Variants in DOK5 observed in about 807,000 individuals in gnomAD.
The protein encoded by DOK5 is downstream of tyrosine kinase 5.
In DOK5, 27 loss-of-function variants were observed where a neutral mutation model predicts 43.3. That is an observed-to-expected ratio of 0.62 (90% CI 0.46 to 0.86). DOK5 has a LOEUF of 0.86. Ranked by LOEUF, DOK5 falls within the 40% of genes least tolerant of loss-of-function variation. The probability of loss-of-function intolerance (pLI) is 0.00; values close to 1 mark genes in which losing one functional copy is unlikely to be tolerated. For synonymous variants in DOK5, 146 were observed against 140.1 expected (o/e 1.04, Z -0.30); for missense variants, 373 against 392.9 (o/e 0.95, Z 0.43).
intron 2 of DOK5, among the ~76,000 whole-genome samples, chr20:54,570,260 G>T (rs756755436): frequency 1.3e-5 from 2 of 152,224 alleles, no homozygotes; most frequent in African/African-American, 2.4e-5. Context: ...ATTTAATTGG[G>T]TTATTTACTA....
chr20:54,636,984 G>C (rs1457444421), intron 6 of DOK5, among the ~76,000 whole-genome samples: 1 of 152,162 alleles, frequency 6.6e-6, no homozygotes, highest in Non-Finnish European at 1.5e-5. Context: ...ATTGTTTTCA[G>C]AATCATACAT....
intron 7 of DOK5, among the ~76,000 whole-genome samples, chr20:54,644,225 T>C (rs1220081442): frequency 1.3e-5 from 2 of 152,196 alleles, no homozygotes; most frequent in Non-Finnish European, 2.9e-5. Context: ...AAGTGGTCTC[T>C]GAAGCATGAT....
At chr20:54,555,105 T>C in intron 2 of DOK5, 65 bp downstream of exon 2, 14 of 1,106,266 alleles carry the variant, frequency 1.3e-5, no homozygotes, top group Non-Finnish European at 1.9e-5. Flanking sequence ...AATTACTGAC[T>C]GAAAACTTGC....
In DOK5 at chr20:54,475,802, TA is replaced by T; in HGVS notation, c.-142del. On this transcript the variant is annotated 5_prime_UTR_variant, in exon 1 of 8. Coordinates refer to ENST00000262593, the MANE Select transcript of DOK5 (RefSeq NM_018431.5). The surrounding 1 kb of genome is among the most constrained non-coding windows in gnomAD (Gnocchi z 4.2). ...GACAGAGAAAGTGATGTGCGCCTTC[TA>T]AAGCCTCGCCCAGCGCCGCCGAAGC... 1 of 966,986 alleles carries T rather than the reference TA, an allele frequency of 1.0e-6. No individual in the cohort carries two copies. Among genetic ancestry groups the T allele is most frequent in the Non-Finnish European group, 1.6e-6 (1 of 641,852 alleles). 59.9% of individuals were successfully genotyped at this position (966,986 alleles called of 1,614,324 possible).
At chr20:54,603,255 A>G (rs1160511349) in intron 5 of DOK5, among the ~76,000 whole-genome samples, 1 of 152,208 alleles carries the variant, frequency 6.6e-6, no homozygotes, top group Non-Finnish European at 1.5e-5. Flanking sequence ...AGTCATAGAA[A>G]GGGCTAGGAA....
rs1358877282 is a variant in DOK5 at position 54,475,708 on chromosome 20, C to T, written c.-239C>T. 1 of 578,504 alleles carries T rather than the reference C, an allele frequency of 1.7e-6. No individual in the cohort carries two copies. The highest frequency in any genetic ancestry group is 3.0e-6 in the Non-Finnish European group (1 of 333,064). The allele number at this position is 578,504 out of a possible 1,614,324, so 35.8% of individuals were successfully genotyped here. A position where few individuals can be genotyped will look rare whatever the true frequency, so the allele number is the denominator to read the frequency against. Reference sequence around the variant, plus strand: ...GCTGACGCCGGCGCTCCAGCCTCGCCTCCCCGCGCCGCGCTCTGCGCTCCC... The same window carrying T: ...GCTGACGCCGGCGCTCCAGCCTCGCTTCCCCGCGCCGCGCTCTGCGCTCCC... On this transcript the variant is annotated 5_prime_UTR_variant, in exon 1 of 8. Coordinates refer to ENST00000262593, the MANE Select transcript of DOK5 (RefSeq NM_018431.5). The surrounding 1 kb of genome is among the most constrained non-coding windows in gnomAD (Gnocchi z 4.2).
chr20:54,603,020 G>A (rs1986346008), intron 5 of DOK5, among the ~76,000 whole-genome samples: 1 of 152,158 alleles, frequency 6.6e-6, no homozygotes, highest in Admixed American at 6.5e-5. Context: ...GGGGATACTG[G>A]TTTGCTATTG....
chr20:54,535,762 G>A (rs573614313), intron 1 of DOK5, among the ~76,000 whole-genome samples: 26 of 152,262 alleles, frequency 1.7e-4, no homozygotes, highest in South Asian at 1.0e-3. Flanking sequence ...AAGGAAAAAT[G>A]TGTGGAGCAA....
intron 4 of DOK5, 28 bp downstream of exon 4, chr20:54,588,834 C>G (rs183251839): frequency 6.2e-7 from 1 of 1,609,984 alleles, no homozygotes; most frequent in East Asian, 2.2e-5. Flanking sequence ...TCTCCTCTCT[C>G]TTTCAAAACT....
At chr20:54,586,680 G>T (rs1048213765) in intron 2 of DOK5, among the ~76,000 whole-genome samples, 2 of 152,190 alleles carry the variant, frequency 1.3e-5, no homozygotes, top group Non-Finnish European at 2.9e-5. Flanking sequence ...GACTGACTAG[G>T]TGTTAGGATG....
At chr20:54,503,662 G>A (rs1029238904) in intron 1 of DOK5, among the ~76,000 whole-genome samples, 2 of 152,128 alleles carry the variant, frequency 1.3e-5, no homozygotes. Context: ...AGTAGAAGCT[G>A]CATAAATTGG....
intron 2 of DOK5, among the ~76,000 whole-genome samples, chr20:54,576,563 A>G (rs1985459154): frequency 6.6e-6 from 1 of 152,204 alleles, no homozygotes; most frequent in South Asian, 2.1e-4. Flanking sequence ...ATGTTCCTCT[A>G]TATGGTTACC....
chr20:54,525,184 C>A (rs1983536991), intron 1 of DOK5, among the ~76,000 whole-genome samples: 1 of 152,166 alleles, frequency 6.6e-6, no homozygotes, highest in African/African-American at 2.4e-5. Context: ...AACTATTGAG[C>A]TCTAGCAGGA....
intron 1 of DOK5, among the ~76,000 whole-genome samples, chr20:54,508,574 ATATT>A (rs567354410): frequency 1.3e-5 from 2 of 151,482 alleles, no homozygotes; most frequent in Non-Finnish European, 2.9e-5. Context: ...TTTAATTTTT[ATATT>A]TATTTATTTA....
intron 1 of DOK5, among the ~76,000 whole-genome samples, chr20:54,516,387 T>C (rs1983199616): frequency 6.6e-6 from 1 of 152,244 alleles, no homozygotes; most frequent in African/African-American, 2.4e-5. Context: ...TATGTGTATA[T>C]GTATTCTGTA....
chr20:54,621,084 T>C (rs558314177), intron 6 of DOK5, among the ~76,000 whole-genome samples: 66 of 152,264 alleles, frequency 4.3e-4, no homozygotes, highest in African/African-American at 1.5e-3. Flanking sequence ...AATGAATGGA[T>C]ATGAGGCAGA....
chr20:54,592,210 A>G (rs1423803724), intron 5 of DOK5, among the ~76,000 whole-genome samples: 1 of 152,188 alleles, frequency 6.6e-6, no homozygotes, highest in African/African-American at 2.4e-5. Context: ...TAACTGTGGT[A>G]GATTATTAAT....
chr20:54,632,387 T>C (rs1280848269), intron 6 of DOK5, among the ~76,000 whole-genome samples: 2 of 152,182 alleles, frequency 1.3e-5, no homozygotes, highest in East Asian at 1.9e-4. Flanking sequence ...GAAAAGAAAA[T>C]ATGAATGCTT....
At chr20:54,597,197 T>G (rs1986168293) in intron 5 of DOK5, among the ~76,000 whole-genome samples, 1 of 152,240 alleles carries the variant, frequency 6.6e-6, no homozygotes, top group Admixed American at 6.5e-5. Flanking sequence ...AATTGACATT[T>G]GCACTCACAA....
Sources: allele counts gnomAD v4.1 joint callset (sites outside exome capture counted in the v4.1 genomes callset), GRCh38; gene constraint gnomAD v4.1.1; non-coding constraint Gnocchi (gnomAD v3.1); transcripts MANE v1.5; gene names NCBI Gene and HGNC (gene_info 2026-07-23, HGNC 2026-07-21).